WDR33: variants seen among roughly 807,000 people sequenced by gnomAD.
WDR33 encodes WD repeat domain 33.
WDR33 carries 47 observed loss-of-function variants against 164.9 expected under a neutral mutation model. The observed-to-expected ratio is 0.29, with a 90% confidence interval of 0.23 to 0.36. WDR33 has a LOEUF of 0.36. WDR33 is among the 10% of genes least tolerant of loss of function. The pLI, the probability that WDR33 is intolerant of heterozygous loss-of-function variation, is 1.00. For synonymous variants in WDR33, 505 were observed against 589.0 expected (o/e 0.86, Z 2.06); for missense variants, 1,137 against 1,754.1 (o/e 0.65, Z 6.28).
Position 127,763,738 on chromosome 2 carries a change from A to C in WDR33, c.627-579T>G, listed in dbSNP as rs1573928330. On this transcript the variant is annotated intron_variant, in intron 6 of 21. Coordinates refer to ENST00000322313, the MANE Select transcript of WDR33 (RefSeq NM_018383.5). The surrounding 1 kb of genome is among the most constrained non-coding windows in gnomAD (Gnocchi z 4.5). ...ATGTTGCACCTTTGAGGAAAACTTTAAAATAAGGACATTCAGACTTGTGTG... is the reference window on the plus strand; with the variant it reads ...ATGTTGCACCTTTGAGGAAAACTTTCAAATAAGGACATTCAGACTTGTGTG... 1 of 985,628 alleles carries C rather than the reference A, an allele frequency of 1.0e-6. No individual in the cohort carries two copies. Among genetic ancestry groups the C allele is most frequent in the East Asian group, 1.1e-4 (1 of 8,826 alleles). 61.1% of individuals were successfully genotyped at this position (985,628 alleles called of 1,614,324 possible). A position where few individuals can be genotyped will look rare whatever the true frequency, so the allele number is the denominator to read the frequency against.
intron 7 of WDR33, among the ~76,000 whole-genome samples, chr2:127,744,786 T>C (rs528776776): frequency 5.3e-5 from 8 of 152,350 alleles, no homozygotes; most frequent in Admixed American, 3.3e-4. Flanking sequence ...GGCTTCCATA[T>C]GGCATATTGT....
In WDR33 at chr2:127,723,101, A is replaced by T; in HGVS notation, c.1292-57T>A. On this transcript the variant is annotated intron_variant, in intron 12 of 21. Coordinates refer to ENST00000322313, the MANE Select transcript of WDR33 (RefSeq NM_018383.5). The surrounding 1 kb of genome is among the most constrained non-coding windows in gnomAD (Gnocchi z 5.9). The stretch of plus-strand genomic sequence containing the variant: ...GAATTTACAAAAGTAGCGACTGATA[A>T]AATTAATGCTTTATAAAAATGAATG... 6.7e-7 allele frequency: 1 copy of T among 1,489,968 alleles called. No homozygotes were observed. Among genetic ancestry groups the T allele is most frequent in the Non-Finnish European group, 9.1e-7 (1 of 1,095,062 alleles). 92.3% of individuals were successfully genotyped at this position (1,489,968 alleles called of 1,614,324 possible).
At chr2:127,765,912 A>G (rs1000834524) in intron 4 of WDR33, among the ~76,000 whole-genome samples, 2 of 152,150 alleles carry the variant, frequency 1.3e-5, no homozygotes, top group Admixed American at 6.5e-5. Flanking sequence ...ACACTACACC[A>G]AAAGTTTTAA....
intron 7 of WDR33, chr2:127,737,473 GTATA>G: frequency 1.0e-6 from 1 of 986,132 alleles, no homozygotes; most frequent in African/African-American, 1.7e-5. Flanking sequence ...AAGAAAAGCA[GTATA>G]TAGTCATCAC....
At chr2:127,737,253 A>G in intron 7 of WDR33, 1 of 985,442 alleles carries the variant, frequency 1.0e-6, no homozygotes, top group African/African-American at 1.7e-5. Context: ...CCAATATCAT[A>G]GAGAACATCA....
intron 1 of WDR33, among the ~76,000 whole-genome samples, chr2:127,771,564 G>A (rs953729866): frequency 1.3e-5 from 2 of 152,260 alleles, no homozygotes; most frequent in African/African-American, 4.8e-5. Flanking sequence ...ATCGCTTGAG[G>A]CCAGGAGTTT....
chr2:127,763,379 T>G lies in WDR33; in HGVS notation c.627-220A>C, dbSNP rs367557201. ...TTGTTTGAGTTTTCAATCATCAGTA[T>G]TCTGAGAACTTCAAGTGTGTATTAT... On this transcript the variant is annotated intron_variant, in intron 6 of 21. Transcript: ENST00000322313. The surrounding 1 kb of genome is among the most constrained non-coding windows in gnomAD (Gnocchi z 4.5). 7.3e-7 allele frequency: 1 copy of G among 1,371,134 alleles called. No individual in the cohort carries two copies. The highest frequency in any genetic ancestry group is 1.5e-5 in the African/African-American group (1 of 68,522). The allele number at this position is 1,371,134 out of a possible 1,614,324, so 84.9% of individuals were successfully genotyped here. A position where few individuals can be genotyped will look rare whatever the true frequency, so the allele number is the denominator to read the frequency against.
At chr2:127,792,299 T>A (rs1226461337) in intron 1 of WDR33, among the ~76,000 whole-genome samples, 1 of 152,048 alleles carries the variant, frequency 6.6e-6, no homozygotes, top group Admixed American at 6.6e-5. Flanking sequence ...AACTCACCAC[T>A]GCCTTACAGA....
rs1687961455 is a variant in WDR33 at position 127,770,371 on chromosome 2, C to T, written c.204+407G>A. Reference sequence around the variant, plus strand: ...CTAACACAGGTATACATACTTACTACACTACATCTAGAAAATCATCTTCTT... The same window carrying T: ...CTAACACAGGTATACATACTTACTATACTACATCTAGAAAATCATCTTCTT... On this transcript the variant is annotated intron_variant, in intron 2 of 21. Coordinates refer to ENST00000322313, the MANE Select transcript of WDR33 (RefSeq NM_018383.5). This position sits in a 1 kb window ranked among gnomAD's most constrained non-coding sequence, Gnocchi z 4.9. Among the ~76,000 whole-genome samples, 1 of 152,126 alleles carries T rather than the reference C, an allele frequency of 6.6e-6. No homozygotes were observed. The highest frequency in any genetic ancestry group is 1.5e-5 in the Non-Finnish European group (1 of 68,030).
intron 7 of WDR33, among the ~76,000 whole-genome samples, chr2:127,752,650 C>G (rs547042192): frequency 4.6e-5 from 7 of 151,024 alleles, no homozygotes; most frequent in Non-Finnish European, 1.0e-4. Flanking sequence ...TGACAGCAGC[C>G]TGCTGCTATG....
intron 7 of WDR33, among the ~76,000 whole-genome samples, chr2:127,740,256 G>C (rs1686972981): frequency 6.6e-6 from 1 of 151,968 alleles, no homozygotes; most frequent in Non-Finnish European, 1.5e-5. Flanking sequence ...TCATTTCTAG[G>C]GGGACAAAAA....
Position 127,701,715 on chromosome 2 carries a change from G to T in WDR33, c.*4608C>A. ...GCGGAGCCCTGCGGAGTCGGCAGCGGCCGGCCTGACGTGCCTCCCGAGCGT... is the reference window on the plus strand; with the variant it reads ...GCGGAGCCCTGCGGAGTCGGCAGCGTCCGGCCTGACGTGCCTCCCGAGCGT... On this transcript the variant is annotated 3_prime_UTR_variant, in exon 22 of 22. Coordinates refer to ENST00000322313, the MANE Select transcript of WDR33 (RefSeq NM_018383.5). 7.4e-7 allele frequency: 1 copy of T among 1,342,544 alleles called. No homozygotes were observed. Among genetic ancestry groups the T allele is most frequent in the East Asian group, 3.2e-5 (1 of 31,022 alleles). The allele number at this position is 1,342,544 out of a possible 1,614,324, so 83.2% of individuals were successfully genotyped here.
chr2:127,781,758 G>A (rs896341682), intron 1 of WDR33, among the ~76,000 whole-genome samples: 3 of 151,590 alleles, frequency 2.0e-5, no homozygotes, highest in Admixed American at 6.6e-5. Flanking sequence ...TAGCACTTCC[G>A]GAGGCCGAGG....
At chr2:127,785,814 T>C (rs532678353) in intron 1 of WDR33, among the ~76,000 whole-genome samples, 1 of 152,334 alleles carries the variant, frequency 6.6e-6, no homozygotes, top group African/African-American at 2.4e-5. Flanking sequence ...GTAGATGTTA[T>C]TTTCAACTCA....
At position 127,710,184 on chromosome 2, in the gene WDR33, T is replaced by G. The variant is rs541811247; in HGVS notation, c.3309-328A>C. Among the ~76,000 whole-genome samples, 1 of 152,346 alleles carries G rather than the reference T, an allele frequency of 6.6e-6. No individual in the cohort carries two copies. Among genetic ancestry groups the G allele is most frequent in the South Asian group, 2.1e-4 (1 of 4,826 alleles). ...CTGGTATTATCAGCAGTTCCACTGA[T>G]GAGAACACTGAGGCCCAGATTGCTG... is the stretch of plus-strand genomic sequence containing the variant. On this transcript the variant is annotated intron_variant, in intron 18 of 21. Transcript: ENST00000322313. This position sits in a 1 kb window ranked among gnomAD's most constrained non-coding sequence, Gnocchi z 4.4.
rs1176473263 is a variant in WDR33 at position 127,764,893 on chromosome 2, A to G, written c.561T>C (p.Tyr187=). The change falls in exon 6 of 22, where the codon TAT becomes TAC. Residue 187 remains tyrosine, a synonymous_variant. Coordinates refer to ENST00000322313, the MANE Select transcript of WDR33 (RefSeq NM_018383.5). This position sits in a 1 kb window ranked among gnomAD's most constrained non-coding sequence, Gnocchi z 6.2. ...TGACGTTGTTCATGTTCGACTGCCA[A>G]TATTTCACATATCCTCCGTGGTCTG... The part of the protein sequence containing the change: ...LTADHGGYVK[Y]WQSNMNNVKM... 2.5e-6 allele frequency: 4 copies of G among 1,614,060 alleles called. No homozygotes were observed. The highest frequency in any genetic ancestry group is 2.2e-5 in the East Asian group (1 of 44,896).
chr2:127,746,677 A>G (rs1687176569), intron 7 of WDR33, among the ~76,000 whole-genome samples: 1 of 152,218 alleles, frequency 6.6e-6, no homozygotes, highest in Admixed American at 6.5e-5. Context: ...TGATGTTTAA[A>G]GTTCCCCAGA....
At chr2:127,739,682 A>G (rs1558931568) in intron 7 of WDR33, among the ~76,000 whole-genome samples, 1 of 152,222 alleles carries the variant, frequency 6.6e-6, no homozygotes, top group African/African-American at 2.4e-5. Flanking sequence ...TGCCTAGCAT[A>G]TATTTTGAAC....
chr2:127,706,507 C>G lies in WDR33; in HGVS notation c.3827G>C (p.Arg1276Pro), dbSNP rs779282664. 7.6e-5 allele frequency: 122 copies of G among 1,613,218 alleles called. No individual in the cohort carries two copies. The highest frequency in any genetic ancestry group is 9.2e-5 in the Non-Finnish European group (109 of 1,179,652). ...GTGCTCTCCGTCTAAGGAGCTGGAA[C>G]GCCCAGATTTGGGCACTCTCTGAGC... ...GPAQRVPKSGRSSSLDGEHHD... is the reference protein window; with the variant it reads ...GPAQRVPKSGPSSSLDGEHHD... Residue 1276 changes from arginine (R) to proline (P), a missense_variant, in exon 22 of 22, where the codon CGT becomes CCT. Physicochemically the swap from Arg to Pro is moderately radical, Grantham distance 103 (BLOSUM62 -2). Around this residue, in one of 9 missense-constraint regions of WDR33, gnomAD observed 867 missense variants for 1,073.0 expected, o/e 0.81. Transcript: ENST00000322313. This position sits in a 1 kb window ranked among gnomAD's most constrained non-coding sequence, Gnocchi z 5.1.
Sources: gnomAD v4.1 joint callset for allele counts (sites outside exome capture counted in the v4.1 genomes callset) on GRCh38, gnomAD v4.1.1 for gene constraint, gnomAD v4.1.1 regional missense constraint, Gnocchi (gnomAD v3.1) non-coding constraint, MANE v1.5 for transcripts, NCBI Gene and HGNC (gene_info 2026-07-23, HGNC 2026-07-21) for gene names.